RBFOX2: variants seen among roughly 807,000 people sequenced by gnomAD.
RBFOX2 encodes the protein RNA binding fox-1 homolog 2, also known as RNA binding protein fox-1 homolog 2.
In RBFOX2, 10 loss-of-function variants were observed where a neutral mutation model predicts 49.1. That is an observed-to-expected ratio of 0.20 (90% CI 0.13 to 0.35). The LOEUF (loss-of-function observed/expected upper bound fraction) is 0.35, where lower values mean the gene tolerates loss of function less well. Ranked by LOEUF, RBFOX2 falls within the 10% of genes least tolerant of loss-of-function variation. The pLI, the probability that RBFOX2 is intolerant of heterozygous loss-of-function variation, is 1.00. For missense variants in RBFOX2, 323 were observed against 486.9 expected, an observed-to-expected ratio of 0.66 and a Z score of 3.17; for synonymous variants, 183 against 187.4, an observed-to-expected ratio of 0.98 and a Z score of 0.19.
At chr22:35,931,794 GTTTC>G (rs913488371) in intron 1 of RBFOX2, among the ~76,000 whole-genome samples, 6 of 152,138 alleles carry the variant, frequency 3.9e-5, no homozygotes, top group African/African-American at 1.2e-4. Context: ...AAGGCATGAG[GTTTC>G]TTTAAGGTTG....
At chr22:35,943,479 G>A (rs561940217), upstream of RBFOX2, among the ~76,000 whole-genome samples, 14 of 152,094 alleles carry the variant, frequency 9.2e-5, no homozygotes, top group Non-Finnish European at 1.8e-4. Flanking sequence ...AAATACATAA[G>A]AAATAAAATA....
At position 35,768,404 on chromosome 22, in the gene RBFOX2, G is replaced by T. The variant is rs1032286171; in HGVS notation, c.454-55C>A. On this transcript the variant is annotated intron_variant, in intron 4 of 11. Coordinates refer to ENST00000405409, the Ensembl canonical transcript of RBFOX2. ...ATGCACATCGTTATATTGAAATACT[G>T]ATCTCTTGGTAAATAGAGAAAAAAT... The T allele has an allele frequency of 5.6e-6, 8 of 1,438,572 alleles. No homozygotes were observed. In the African/African-American group the frequency reaches 1.1e-4, roughly 20 times the overall value. The allele number at this position is 1,438,572 out of a possible 1,614,324, so 89.1% of individuals were successfully genotyped here.
chr22:35,948,799 T>G (rs2054596311), intron 1 of RBFOX2, among the ~76,000 whole-genome samples: 1 of 152,208 alleles, frequency 6.6e-6, no homozygotes. Context: ...CCTTTCATCT[T>G]TTTTTAAAAC....
At chr22:35,876,482 T>C (rs1603430514) in intron 1 of RBFOX2, among the ~76,000 whole-genome samples, 1 of 151,980 alleles carries the variant, frequency 6.6e-6, no homozygotes, top group Non-Finnish European at 1.5e-5. Flanking sequence ...TAATATATAA[T>C]AGGCAGTACC....
chr22:35,770,384 C>G (rs926908253), intron 4 of RBFOX2, among the ~76,000 whole-genome samples: 1 of 151,972 alleles, frequency 6.6e-6, no homozygotes, highest in African/African-American at 2.4e-5. Context: ...AAACTAAGAC[C>G]TAGGTTTTTG....
intron 2 of RBFOX2, among the ~76,000 whole-genome samples, chr22:35,808,532 A>G (rs1951188435): frequency 6.6e-6 from 1 of 152,218 alleles, no homozygotes; most frequent in South Asian, 2.1e-4. Flanking sequence ...TGCAGACTGT[A>G]GAACATTTCT....
intron 1 of RBFOX2, among the ~76,000 whole-genome samples, chr22:35,829,711 T>C (rs1956434510): frequency 6.6e-6 from 1 of 152,172 alleles, no homozygotes; most frequent in Non-Finnish European, 1.5e-5. Flanking sequence ...CCATCTTGAG[T>C]GGAAGGCAAA....
chr22:35,841,492 T>G (rs73885447), upstream of RBFOX2, among the ~76,000 whole-genome samples: 1 of 152,126 alleles, frequency 6.6e-6, no homozygotes, highest in Non-Finnish European at 1.5e-5. Context: ...ACTTCATAAT[T>G]TCCCTATTTT....
At chr22:35,858,132 G>C (rs971778446) in intron 1 of RBFOX2, among the ~76,000 whole-genome samples, 1 of 152,144 alleles carries the variant, frequency 6.6e-6, no homozygotes, top group Non-Finnish European at 1.5e-5. Flanking sequence ...TGGTCAGAAT[G>C]AAAAATAGAC....
upstream of RBFOX2, among the ~76,000 whole-genome samples, chr22:35,940,080 T>G (rs1395210514): frequency 6.6e-6 from 1 of 152,174 alleles, no homozygotes; most frequent in Non-Finnish European, 1.5e-5. Flanking sequence ...AATATAACAA[T>G]AGAGTAAACT....
intron 1 of RBFOX2, among the ~76,000 whole-genome samples, chr22:35,928,882 T>C (rs2052011365): frequency 6.6e-6 from 1 of 152,080 alleles, no homozygotes; most frequent in Non-Finnish European, 1.5e-5. Flanking sequence ...TAAACCACAA[T>C]GAGCTATTAC....
At chr22:35,805,587 A>G (rs1478627468) in intron 2 of RBFOX2, among the ~76,000 whole-genome samples, 4 of 152,180 alleles carry the variant, frequency 2.6e-5, no homozygotes, top group Non-Finnish European at 5.9e-5. Context: ...AAAATTAAAC[A>G]TACTCTTATC....
intron 1 of RBFOX2, chr22:35,992,217 G>A (rs1276766912): frequency 6.6e-6 from 1 of 152,116 alleles, no homozygotes; most frequent in East Asian, 1.9e-4. Context: ...ATTACTAGCA[G>A]AGGGAACGCA....
chr22:36,003,005 C>T (rs2058488974), intron 1 of RBFOX2, among the ~76,000 whole-genome samples: 1 of 152,184 alleles, frequency 6.6e-6, no homozygotes, highest in Admixed American at 6.5e-5. Context: ...CTTCAAAAGA[C>T]CTTCCTTTCT....
At chr22:35,833,074 A>G (rs1030925513) in intron 1 of RBFOX2, among the ~76,000 whole-genome samples, 1 of 152,222 alleles carries the variant, frequency 6.6e-6, no homozygotes, top group South Asian at 2.1e-4. Flanking sequence ...ATAATTATGC[A>G]TCAATAAAAC....
At chr22:36,026,072 C>T (rs527801665) in intron 1 of RBFOX2, among the ~76,000 whole-genome samples, 2 of 152,184 alleles carry the variant, frequency 1.3e-5, no homozygotes, top group Admixed American at 1.3e-4. Flanking sequence ...CGAGACCAGC[C>T]TGGCCAACCT....
At chr22:35,802,222 A>G (rs1949915627) in intron 2 of RBFOX2, among the ~76,000 whole-genome samples, 1 of 152,198 alleles carries the variant, frequency 6.6e-6, no homozygotes, top group Admixed American at 6.5e-5. Context: ...ACAACTGAAA[A>G]TGGTAGCAAT....
chr22:36,017,072 C>T (rs2059064262), intron 1 of RBFOX2, among the ~76,000 whole-genome samples: 1 of 152,146 alleles, frequency 6.6e-6, no homozygotes, highest in African/African-American at 2.4e-5. Flanking sequence ...GAACAACAGC[C>T]AGAGAGAATT....
rs575896149 is a variant in RBFOX2, at chr22:35,845,818, G to A, written c.-33-35814C>T. ...AATTGAAGACTGCTCTTTATCCAACGGCATGCCACGAATATGCCATGCCTC... is the reference window on the plus strand; with the variant it reads ...AATTGAAGACTGCTCTTTATCCAACAGCATGCCACGAATATGCCATGCCTC... On this transcript the variant is annotated intron_variant, in intron 1 of 13. Coordinates refer to the RBFOX2 transcript ENST00000359369. Among the ~76,000 whole-genome samples the A allele has an allele frequency of 6.6e-5, 10 of 152,184 alleles. No individual in the cohort carries two copies. In the South Asian group the frequency reaches 1.5e-3, roughly 22 times the overall value.
Sources: allele counts gnomAD v4.1 joint callset (sites outside exome capture counted in the v4.1 genomes callset), GRCh38; gene constraint gnomAD v4.1.1; transcripts MANE v1.5; gene names NCBI Gene and HGNC (gene_info 2026-07-23, HGNC 2026-07-21).